Variants in NRG3 observed in about 807,000 individuals in gnomAD.
The protein encoded by NRG3 is pro-neuregulin-3, membrane-bound isoform.
A neutral mutation model predicts 66.9 loss-of-function variants in NRG3; 31 were observed. That is an observed-to-expected ratio of 0.46 (90% CI 0.35 to 0.63). The LOEUF is 0.63. NRG3 is among the 20% of genes least tolerant of loss of function. The pLI, the probability that NRG3 is intolerant of heterozygous loss-of-function variation, is 0.00. For synonymous variants in NRG3, 393 were observed against 359.4 expected (o/e 1.09, Z -1.06); for missense variants, 910 against 878.9 (o/e 1.04, Z -0.45).
chr10:82,083,150 T>A (rs1172517467), intron 1 of NRG3, among the ~76,000 whole-genome samples: 1 of 152,096 alleles, frequency 6.6e-6, no homozygotes, highest in Admixed American at 6.6e-5. Flanking sequence ...GACTTAAGGC[T>A]ATTTTTGATG....
At chr10:82,510,955 G>T (rs887619603) in intron 2 of NRG3, among the ~76,000 whole-genome samples, 7 of 152,186 alleles carry the variant, frequency 4.6e-5, no homozygotes, top group Non-Finnish European at 7.3e-5. Context: ...ACATAGAAAA[G>T]AAATATTTAT....
chr10:82,408,117 AAGAAAGAAAGAAAG>A (rs1204911177), intron 2 of NRG3, among the ~76,000 whole-genome samples: 1 of 143,112 alleles, frequency 7.0e-6, no homozygotes, highest in Non-Finnish European at 1.5e-5. Flanking sequence ...GAAAGAAAGA[AAGAAAGAAAGAAAG>A]AAAGAAAGAA....
intron 1 of NRG3, among the ~76,000 whole-genome samples, chr10:82,242,510 T>C (rs2134007018): frequency 6.6e-6 from 1 of 152,310 alleles, no homozygotes; most frequent in South Asian, 2.1e-4. Flanking sequence ...TGTAGTCAAT[T>C]TAAAATGGTT....
intron 2 of NRG3, among the ~76,000 whole-genome samples, chr10:82,407,272 T>G (rs1264678179): frequency 6.6e-6 from 1 of 152,126 alleles, no homozygotes; most frequent in Non-Finnish European, 1.5e-5. Flanking sequence ...ATAATGTTTT[T>G]TTAAAGGTGT....
At chr10:82,255,537 A>G (rs2077677495) in intron 1 of NRG3, among the ~76,000 whole-genome samples, 1 of 152,186 alleles carries the variant, frequency 6.6e-6, no homozygotes, top group Non-Finnish European at 1.5e-5. Context: ...GGTGTGGAGT[A>G]TGAGGAAAAC....
At chr10:81,877,164 A>G (rs1032236416) in intron 1 of NRG3, among the ~76,000 whole-genome samples, 5 of 152,296 alleles carry the variant, frequency 3.3e-5, no homozygotes, top group South Asian at 2.1e-4. Context: ...GTTTATTTGT[A>G]TAGAAAGTGC....
chr10:82,008,626 A>G (rs1333047116), intron 1 of NRG3, among the ~76,000 whole-genome samples: 1 of 152,190 alleles, frequency 6.6e-6, no homozygotes, highest in Non-Finnish European at 1.5e-5. Flanking sequence ...TGCCTCATGC[A>G]AGACCTGTCA....
chr10:81,965,163 T>A (rs2059685106), intron 1 of NRG3, among the ~76,000 whole-genome samples: 1 of 152,238 alleles, frequency 6.6e-6, no homozygotes, highest in African/African-American at 2.4e-5. Context: ...AGGCCATACC[T>A]ACATGGGTGA....
At chr10:81,948,192 C>T (rs945959069) in intron 1 of NRG3, among the ~76,000 whole-genome samples, 6 of 152,036 alleles carry the variant, frequency 3.9e-5, no homozygotes, top group South Asian at 4.1e-4. Flanking sequence ...TGTGTTAAAA[C>T]GCTTATTTTT....
intron 1 of NRG3, among the ~76,000 whole-genome samples, chr10:81,980,137 C>T (rs2060280220): frequency 6.6e-6 from 1 of 152,196 alleles, no homozygotes; most frequent in East Asian, 1.9e-4. Context: ...TTGTTTCCTT[C>T]CCAAATCTTT....
intron 2 of NRG3, among the ~76,000 whole-genome samples, chr10:82,439,364 T>G (rs2090316772): frequency 7.0e-6 from 1 of 143,176 alleles, no homozygotes; most frequent in Non-Finnish European, 1.5e-5. Context: ...TTCAATAAAT[T>G]TTATACTTTA....
intron 1 of NRG3, among the ~76,000 whole-genome samples, chr10:82,057,299 TTTTTTCC>T (rs1329013875): frequency 9.4e-5 from 9 of 95,406 alleles, no homozygotes; most frequent in Non-Finnish European, 1.9e-4. Context: ...TTGTTAGTTC[TTTTTTCC>T]TAACTCCTAC....
At chr10:82,961,137 A>C (rs1273359190) in intron 6 of NRG3, among the ~76,000 whole-genome samples, 1 of 152,254 alleles carries the variant, frequency 6.6e-6, no homozygotes, top group African/African-American at 2.4e-5. Context: ...TTTAAAAGAA[A>C]ATTAAGAAAA....
intron 4 of NRG3, among the ~76,000 whole-genome samples, chr10:82,893,603 A>G (rs901152293): frequency 3.3e-5 from 5 of 152,262 alleles, no homozygotes; most frequent in South Asian, 2.1e-4. Context: ...CAAGAGAATC[A>G]TTTGAACCAG....
chr10:81,891,889 C>A (rs990396728), intron 1 of NRG3, among the ~76,000 whole-genome samples: 6 of 152,104 alleles, frequency 3.9e-5, no homozygotes, highest in African/African-American at 1.4e-4. Flanking sequence ...AGATTAGAAT[C>A]TTAGTGGAAT....
intron 2 of NRG3, among the ~76,000 whole-genome samples, chr10:82,643,330 GCT>G (rs1040503453): frequency 2.8e-4 from 43 of 152,002 alleles, no homozygotes; most frequent in African/African-American, 9.9e-4. Context: ...CCCTGCAGAA[GCT>G]CTCTCTCTCT....
At chr10:81,933,028 A>G (rs1322657913) in intron 1 of NRG3, among the ~76,000 whole-genome samples, 1 of 151,432 alleles carries the variant, frequency 6.6e-6, no homozygotes, top group Non-Finnish European at 1.5e-5. Flanking sequence ...GAATTGCTTG[A>G]ACCCGGGAGG....
At chr10:81,887,426 A>G (rs1842699062) in intron 1 of NRG3, among the ~76,000 whole-genome samples, 1 of 152,184 alleles carries the variant, frequency 6.6e-6, no homozygotes, top group Admixed American at 6.5e-5. Context: ...ATATACACAT[A>G]TTAATCAACT....
intron 1 of NRG3, among the ~76,000 whole-genome samples, chr10:82,124,822 C>T (rs763698009): frequency 2.0e-5 from 3 of 151,872 alleles, no homozygotes; most frequent in Non-Finnish European, 4.4e-5. Flanking sequence ...TTCTTTCAGC[C>T]TTGTGTCATT....
Sources: gnomAD v4.1 joint callset for allele counts (sites outside exome capture counted in the v4.1 genomes callset) on GRCh38, gnomAD v4.1.1 for gene constraint, MANE v1.5 for transcripts, NCBI Gene and HGNC (gene_info 2026-07-23, HGNC 2026-07-21) for gene names.